DNAH14: variants seen among roughly 807,000 people sequenced by gnomAD.
DNAH14 encodes the protein dynein axonemal heavy chain 14, also known as axonemal beta dynein heavy chain 14.
A neutral mutation model predicts 520.9 loss-of-function variants in DNAH14; 478 were observed. The observed-to-expected ratio is 0.92, with a 90% CI of 0.85 to 0.99. DNAH14 has a LOEUF of 0.99. DNAH14 is among the 50% of genes least tolerant of loss of function. The probability of loss-of-function intolerance (pLI) is 0.00; values close to 1 mark genes in which losing one functional copy is unlikely to be tolerated. For synonymous variants in DNAH14, 1,581 were observed against 1,757.2 expected (o/e 0.90, Z 2.51); for missense variants, 4,831 against 5,234.5 (o/e 0.92, Z 2.38).
chr1:224,966,579 T>G (rs2061179181), intron 5 of DNAH14, among the ~76,000 whole-genome samples: 1 of 152,218 alleles, frequency 6.6e-6, no homozygotes, highest in African/African-American at 2.4e-5. Context: ...TATAGTTTAT[T>G]GCAATAGCTC....
intron 10 of DNAH14, among the ~76,000 whole-genome samples, chr1:225,021,454 TA>T (rs2065685710): frequency 6.6e-6 from 1 of 152,000 alleles, no homozygotes; most frequent in Admixed American, 6.6e-5. Context: ...TTTCAGCATA[TA>T]AAATCAATGT....
chr1:225,318,753 C>A, intron 61 of DNAH14, 76 bp downstream of exon 61: 1 of 1,328,788 alleles, frequency 7.5e-7, no homozygotes. Flanking sequence ...AGCCTATATT[C>A]CATTTTTAGC....
chr1:225,307,768 C>T (rs2094278245), intron 59 of DNAH14, among the ~76,000 whole-genome samples, 199 bp downstream of exon 59: 1 of 152,092 alleles, frequency 6.6e-6, no homozygotes, highest in African/African-American at 2.4e-5. Flanking sequence ...AAAGCAGTAA[C>T]AGCAAAACAG....
chr1:224,930,764 A>AT (rs1410894097), intron 1 of DNAH14, among the ~76,000 whole-genome samples: 1 of 151,914 alleles, frequency 6.6e-6, no homozygotes, highest in Non-Finnish European at 1.5e-5. Flanking sequence ...TGCCCGGCTA[A>AT]TTTTTTTGTA....
rs562003062 is a variant in DNAH14, at chr1:225,105,566, G to A, written c.3867+4682G>A. Among the ~76,000 whole-genome samples the A allele has an allele frequency of 6.6e-5, 10 of 152,272 alleles. No individual in the cohort carries two copies. In the South Asian group the frequency reaches 2.1e-3, roughly 32 times the overall value. On this transcript the variant is annotated intron_variant, in intron 23 of 85. Coordinates refer to ENST00000682510, the MANE Select transcript of DNAH14 (RefSeq NM_001367479.1). ...AAGGACTTGCTTTATGAATCTGGGT[G>A]CTCCTGTATTGGGTGCATATATATT... is the stretch of plus-strand genomic sequence containing the variant.
chr1:225,375,375 A>C (rs2095684711), intron 78 of DNAH14, among the ~76,000 whole-genome samples: 1 of 152,206 alleles, frequency 6.6e-6, no homozygotes, highest in African/African-American at 2.4e-5. Context: ...GGCTGCTAGC[A>C]GAGGAAAGAA....
chr1:225,211,385 C>A (rs2088386922), intron 41 of DNAH14, among the ~76,000 whole-genome samples: 1 of 151,770 alleles, frequency 6.6e-6, no homozygotes, highest in Non-Finnish European at 1.5e-5. Flanking sequence ...CTGAATAGAT[C>A]AATCAGAAGA....
intron 42 of DNAH14, among the ~76,000 whole-genome samples, chr1:225,235,670 G>A (rs887116940): frequency 3.9e-5 from 6 of 152,050 alleles, no homozygotes; most frequent in African/African-American, 1.4e-4. Context: ...GCCTGGTCCT[G>A]GGCTTTTTTG....
At chr1:225,374,179 A>ATATATATATATATATATG (rs2095660784) in intron 77 of DNAH14, among the ~76,000 whole-genome samples, 1 of 95,298 alleles carries the variant, frequency 1.0e-5, no homozygotes, top group Non-Finnish European at 2.1e-5. Flanking sequence ...ATATATATAT[A>ATATATATATATATATATG]TATACTATTC....
intron 56 of DNAH14, among the ~76,000 whole-genome samples, chr1:225,301,436 C>A (rs1384617466): frequency 6.6e-6 from 1 of 151,988 alleles, no homozygotes. Context: ...TTGAATAGTC[C>A]TAGAATTGAC....
intron 54 of DNAH14, among the ~76,000 whole-genome samples, chr1:225,279,956 G>A (rs2093589223): frequency 6.6e-6 from 1 of 150,832 alleles, no homozygotes; most frequent in African/African-American, 2.4e-5. Flanking sequence ...ATACAAAAAT[G>A]ACTCTTCAAA....
At chr1:225,175,457 C>T (rs2083204786) in intron 36 of DNAH14, among the ~76,000 whole-genome samples, 1 of 151,868 alleles carries the variant, frequency 6.6e-6, no homozygotes, top group Admixed American at 6.6e-5. Flanking sequence ...CTTTTATGAT[C>T]CTTTATATTT....
chr1:225,261,176 T>C (rs893212917), intron 46 of DNAH14, among the ~76,000 whole-genome samples: 8 of 152,178 alleles, frequency 5.3e-5, no homozygotes, highest in Non-Finnish European at 1.2e-4. Flanking sequence ...CAGTTCTATG[T>C]TGAAAAGAAG....
At chr1:225,071,839 C>T (rs1303069194) in intron 17 of DNAH14, among the ~76,000 whole-genome samples, 1 of 152,158 alleles carries the variant, frequency 6.6e-6, no homozygotes, top group East Asian at 1.9e-4. Context: ...AGAACTTACT[C>T]ACTACCACAA....
chr1:225,224,918 C>G (rs537588737), intron 41 of DNAH14, among the ~76,000 whole-genome samples: 1 of 152,300 alleles, frequency 6.6e-6, no homozygotes, highest in African/African-American at 2.4e-5. Flanking sequence ...CAAGCCCACT[C>G]TGTGTGCACT....
intron 76 of DNAH14, among the ~76,000 whole-genome samples, chr1:225,366,406 T>TTC (rs371026562): frequency 4.0e-5 from 6 of 151,256 alleles, no homozygotes; most frequent in African/African-American, 2.4e-5. Flanking sequence ...ACACTCTCTC[T>TTC]TCTCTCTCTC....
At chr1:225,108,237 C>A (rs951706494) in intron 23 of DNAH14, among the ~76,000 whole-genome samples, 4 of 152,148 alleles carry the variant, frequency 2.6e-5, no homozygotes, top group African/African-American at 9.7e-5. Context: ...GGACTTACAC[C>A]AGTGGTTTGC....
At chr1:225,170,896 G>T (rs1194403955) in intron 36 of DNAH14, among the ~76,000 whole-genome samples, 4 of 152,088 alleles carry the variant, frequency 2.6e-5, no homozygotes, top group Non-Finnish European at 5.9e-5. Flanking sequence ...AAATGTAAAA[G>T]AACAGAAATT....
intron 17 of DNAH14, among the ~76,000 whole-genome samples, chr1:225,066,997 A>T (rs556170407): frequency 1.6e-4 from 24 of 152,212 alleles, no homozygotes; most frequent in Non-Finnish European, 3.4e-4. Context: ...GTTCAGGGGA[A>T]CATGTGCAGA....
Sources: allele counts gnomAD v4.1 joint callset (sites outside exome capture counted in the v4.1 genomes callset), GRCh38; gene constraint gnomAD v4.1.1; transcripts MANE v1.5; gene names NCBI Gene and HGNC (gene_info 2026-07-23, HGNC 2026-07-21).